C8B: variants seen among roughly 807,000 people sequenced by gnomAD.
C8B encodes complement component C8 beta chain.
A neutral mutation model predicts 64.6 loss-of-function variants in C8B; 67 were observed. The ratio of observed to expected loss-of-function variants is 1.04; its 90% CI spans 0.85 to 1.27. The LOEUF is 1.27. C8B is among the 50% of genes most tolerant of loss of function. C8B has a pLI of 0.00. For missense variants in C8B, 790 were observed against 725.2 expected, an observed-to-expected ratio of 1.09 and a Z score of -1.03; for synonymous variants, 284 against 257.7, an observed-to-expected ratio of 1.10 and a Z score of -0.98.
chr1:56,933,688 C>T (rs1159159956), intron 9 of C8B, among the ~76,000 whole-genome samples, 200 bp from the exon 10 acceptor site: 1 of 152,114 alleles, frequency 6.6e-6, no homozygotes, highest in African/African-American at 2.4e-5. Flanking sequence ...TTCAGGTCAA[C>T]AAACACTTAG....
chr1:56,957,041 T>TC, intron 2 of C8B, 131 bp from the exon 3 acceptor site: 1 of 924,656 alleles, frequency 1.1e-6, no homozygotes, highest in Non-Finnish European at 1.7e-6. Flanking sequence ...TGATCATCAT[T>TC]CCCCCAGCCC....
At chr1:56,962,989 CATTTA>C (rs1645199307) in intron 1 of C8B, among the ~76,000 whole-genome samples, 2 of 152,210 alleles carry the variant, frequency 1.3e-5, no homozygotes, top group African/African-American at 4.8e-5. Context: ...ACACACATTG[CATTTA>C]ATTTATTCCT....
At chr1:56,952,323 C>G in intron 4 of C8B, 143 bp from the exon 5 acceptor site, 1 of 1,142,694 alleles carries the variant, frequency 8.8e-7, no homozygotes, top group Non-Finnish European at 1.3e-6. Context: ...AGCTTTCCAG[C>G]TTCATTTATG....
chr1:56,965,371 TG>T (rs1645238302), intron 1 of C8B, among the ~76,000 whole-genome samples: 2 of 134,662 alleles, frequency 1.5e-5, no homozygotes, highest in South Asian at 2.7e-4. Context: ...GGGAACCTTG[TG>T]GGGGGTGAGA....
At chr1:56,965,396 A>AGT (rs762224735) in intron 1 of C8B, among the ~76,000 whole-genome samples, 5,649 of 84,072 alleles carry the variant, frequency 0.067, 110 homozygotes, top group Middle Eastern at 0.1. Context: ...AGAGAGAGAG[A>AGT]GAGTGTGTGT....
chr1:56,931,700 G>T, intron 11 of C8B, 110 bp downstream of exon 11: 1 of 718,482 alleles, frequency 1.4e-6, no homozygotes, highest in Non-Finnish European at 2.5e-6. Flanking sequence ...TAAGCAGGAT[G>T]GATCTCAGGT....
At chr1:56,958,778 A>G (rs1645137000) in intron 2 of C8B, among the ~76,000 whole-genome samples, 1 of 152,312 alleles carries the variant, frequency 6.6e-6, no homozygotes, top group East Asian at 1.9e-4. Context: ...ACCTTCAGCA[A>G]TAAAACCTAC....
chr1:56,931,546 T>C (rs1644701065), intron 11 of C8B: 2 of 412,256 alleles, frequency 4.9e-6, no homozygotes, highest in Admixed American at 3.3e-5. Context: ...CATTCCAGAA[T>C]GATCCAAAGA....
chr1:56,945,757 A>T lies in C8B; in HGVS notation c.1105+64T>A, dbSNP rs1394647073. 4 of 1,604,828 alleles carry T rather than the reference A, an allele frequency of 2.5e-6. No homozygotes were observed. In the East Asian group the frequency reaches 8.9e-5, roughly 36 times the overall value. On this transcript the variant is annotated intron_variant, in intron 7 of 11. Coordinates refer to ENST00000371237, the MANE Select transcript of C8B (RefSeq NM_000066.4). ...TAGCCAGGAAGGTAGAAAGAAAACTACAAGTTCAACTTATGACTCTTCCCC... is the reference window on the plus strand; with the variant it reads ...TAGCCAGGAAGGTAGAAAGAAAACTTCAAGTTCAACTTATGACTCTTCCCC...
chr1:56,936,499 TC>T (rs1644776290), intron 9 of C8B, among the ~76,000 whole-genome samples: 3 of 147,526 alleles, frequency 2.0e-5, no homozygotes, highest in Non-Finnish European at 4.4e-5. Context: ...ATATTAAGGA[TC>T]TCATTTGTGG....
chr1:56,943,444 A>G (rs1272961362), intron 8 of C8B, among the ~76,000 whole-genome samples: 1 of 152,244 alleles, frequency 6.6e-6, no homozygotes, highest in African/African-American at 2.4e-5. Flanking sequence ...ATACACAAAA[A>G]CATTATGTTG....
chr1:56,939,311 C>T (rs965551509), intron 9 of C8B, among the ~76,000 whole-genome samples: 4 of 152,218 alleles, frequency 2.6e-5, no homozygotes, highest in African/African-American at 9.6e-5. Context: ...TGATTTTATC[C>T]TTTTCATGTT....
At chr1:56,949,486 G>T in intron 6 of C8B, 69 bp downstream of exon 6, 1 of 1,345,694 alleles carries the variant, frequency 7.4e-7, no homozygotes, top group Non-Finnish European at 1.1e-6. Context: ...ATTCTGTGGT[G>T]TTTTGTTACA....
intron 1 of C8B, among the ~76,000 whole-genome samples, chr1:56,963,018 G>A (rs1003700469): frequency 2.6e-5 from 4 of 152,086 alleles, no homozygotes; most frequent in African/African-American, 9.7e-5. Context: ...CTTTTTGAGG[G>A]ACATTTATAT....
chr1:56,960,378 A>C (rs1261298893), intron 1 of C8B, among the ~76,000 whole-genome samples: 2 of 152,246 alleles, frequency 1.3e-5, no homozygotes, highest in Non-Finnish European at 2.9e-5. Context: ...AATTAATTCC[A>C]TTCCTTAATT....
intron 2 of C8B, among the ~76,000 whole-genome samples, chr1:56,958,758 C>A (rs964614697): frequency 6.6e-6 from 1 of 152,126 alleles, no homozygotes; most frequent in African/African-American, 2.4e-5. Context: ...ATAATTGGAT[C>A]AATGCTGATA....
At chr1:56,933,292 A>T (rs200485948) in intron 10 of C8B, 43 bp downstream of exon 10, 2 of 1,580,408 alleles carry the variant, frequency 1.3e-6, no homozygotes, top group Admixed American at 3.3e-5. Context: ...CCTGCTTCAG[A>T]TTATGGCTTC....
Position 56,949,568 on chromosome 1 carries a change from C to A in C8B, c.851G>T (p.Arg284Leu), listed in dbSNP as rs202207968. ...RGKHYIRRTK[R>L]FSHTKSVFLH... ...AGACATACTTACAGTATGAGAGAATCGTTTGGTTCTCCTAATATAGTGTTT... is the reference window on the plus strand; with the variant it reads ...AGACATACTTACAGTATGAGAGAATAGTTTGGTTCTCCTAATATAGTGTTT... The change falls in exon 6 of 12, where the codon CGA (arginine) becomes CTA (leucine). Residue 284 changes from arginine to leucine, a missense_variant. Arg to Leu is a moderately radical substitution (Grantham distance 102). Transcript: ENST00000371237. The A allele has an allele frequency of 1.2e-6, 2 of 1,613,330 alleles. No homozygotes were observed. The highest frequency in any genetic ancestry group is 1.3e-5 in the African/African-American group (1 of 74,890).
chr1:56,964,714 G>T (rs1054274245), intron 1 of C8B, among the ~76,000 whole-genome samples: 15 of 152,272 alleles, frequency 9.9e-5, no homozygotes, highest in Non-Finnish European at 2.2e-4. Context: ...TCACATGTTG[G>T]CATTCTTTGT....
Sources: gnomAD v4.1 joint callset for allele counts (sites outside exome capture counted in the v4.1 genomes callset) on GRCh38, gnomAD v4.1.1 for gene constraint, MANE v1.5 for transcripts, NCBI Gene and HGNC (gene_info 2026-07-23, HGNC 2026-07-21) for gene names.